Variants in GCC2 observed in about 807,000 individuals in gnomAD.
GCC2 encodes the protein GRIP and coiled-coil domain-containing protein 2.
GCC2 carries 120 observed loss-of-function variants against 210.6 expected under a neutral mutation model. The observed-to-expected ratio is 0.57, with a 90% CI of 0.49 to 0.66. GCC2 has a LOEUF of 0.66. Ranked by LOEUF, GCC2 falls within the 30% of genes least tolerant of loss-of-function variation. The pLI, the probability that GCC2 is intolerant of heterozygous loss-of-function variation, is 0.00. For synonymous variants in GCC2, 703 were observed against 652.7 expected (o/e 1.08, Z -1.17); for missense variants, 1,868 against 1,871.9 (o/e 1.00, Z 0.04).
At chr2:108,449,740 A>G in intron 2 of GCC2, 51 bp downstream of exon 2, 6 of 1,479,224 alleles carry the variant, frequency 4.1e-6, no homozygotes, top group Non-Finnish European at 5.6e-6. Flanking sequence ...AAGGGTGATG[A>G]ATTGGAAAAC....
chr2:108,484,149 G>T lies in GCC2; in HGVS notation c.3451G>T (p.Asp1151Tyr), dbSNP rs1325419433. 1 of 1,566,774 alleles carries T rather than the reference G, an allele frequency of 6.4e-7. No individual in the cohort carries two copies. Among genetic ancestry groups the T allele is most frequent in the South Asian group, 1.2e-5 (1 of 82,722 alleles). Residue 1151 changes from aspartate (D) to tyrosine (Y), a missense_variant and splice_region_variant, in exon 13 of 23, where the codon GAT (aspartate) becomes TAT (tyrosine). This residue lies in a region of GCC2 where 1,847 missense variants were observed against 1,765.2 expected (regional missense o/e 1.05). Coordinates refer to ENST00000309863, the MANE Select transcript of GCC2 (RefSeq NM_181453.4). ...TMQELELVKKDAQQTTLMNME... is the reference protein window; with the variant it reads ...TMQELELVKKYAQQTTLMNME... ...AATCTTTTACTTATAAAATGTGCAG[G>T]ATGCCCAACAAACCACATTGATGAA... is the stretch of plus-strand genomic sequence containing the variant.
chr2:108,476,529 A>G (rs1043390934), intron 9 of GCC2, among the ~76,000 whole-genome samples: 5 of 152,222 alleles, frequency 3.3e-5, no homozygotes, highest in African/African-American at 4.8e-5. Context: ...TTTGGAGGCA[A>G]TATGCTTATT....
chr2:108,457,608 A>G (rs1022162235), intron 4 of GCC2, among the ~76,000 whole-genome samples: 3 of 152,170 alleles, frequency 2.0e-5, no homozygotes, highest in Non-Finnish European at 4.4e-5. Flanking sequence ...TTTTGTGAGC[A>G]TGAAATGTCT....
rs546603680 is a variant in GCC2, at chr2:108,456,008, G to A, written c.216+3542G>A. Reference sequence around the variant, plus strand: ...CCAACTGTTTTCTTTTTTTTGAGACGGAGTCTTGCTCTGTCGCCCAGGCTG... The same window carrying A: ...CCAACTGTTTTCTTTTTTTTGAGACAGAGTCTTGCTCTGTCGCCCAGGCTG... On this transcript the variant is annotated intron_variant, in intron 4 of 22. Transcript: ENST00000309863. Among the ~76,000 whole-genome samples, 15 of 151,314 alleles carry A rather than the reference G, an allele frequency of 9.9e-5. No homozygotes were observed. In the South Asian group the frequency reaches 1.7e-3, roughly 17 times the overall value.
chr2:108,463,372 G>A (rs1330837453), intron 4 of GCC2, among the ~76,000 whole-genome samples: 2 of 151,926 alleles, frequency 1.3e-5, no homozygotes, highest in African/African-American at 4.8e-5. Context: ...ACTTTTTCCT[G>A]AAGATGTATC....
intron 21 of GCC2, among the ~76,000 whole-genome samples, chr2:108,497,492 AGAAACT>A (rs1489069632): frequency 1.3e-5 from 2 of 152,264 alleles, no homozygotes; most frequent in Non-Finnish European, 2.9e-5. Flanking sequence ...TAATAGATTT[AGAAACT>A]AGAGAGATGT....
At chr2:108,487,991 C>T (rs1034590608) in intron 17 of GCC2, among the ~76,000 whole-genome samples, 171 bp downstream of exon 17, 1 of 148,850 alleles carries the variant, frequency 6.7e-6, no homozygotes, top group Non-Finnish European at 1.5e-5. Flanking sequence ...ACTGCCACTT[C>T]GCTTCCCGGG....
chr2:108,486,760 T>A, intron 16 of GCC2, 112 bp downstream of exon 16: 1 of 910,996 alleles, frequency 1.1e-6, no homozygotes, highest in Non-Finnish European at 1.6e-6. Flanking sequence ...TTAAGAGCAC[T>A]TACTAGATTA....
chr2:108,480,294 CTT>C (rs1307413646), intron 9 of GCC2, among the ~76,000 whole-genome samples: 7 of 152,178 alleles, frequency 4.6e-5, no homozygotes, highest in Non-Finnish European at 1.0e-4. Flanking sequence ...AAAAGGAACA[CTT>C]ACACTTTTGG....
chr2:108,451,786 TC>T (rs1679957560), intron 3 of GCC2, among the ~76,000 whole-genome samples: 1 of 151,918 alleles, frequency 6.6e-6, no homozygotes, highest in Non-Finnish European at 1.5e-5. Flanking sequence ...AGGCCTGAGA[TC>T]TAGGCATTTG....
intron 4 of GCC2, among the ~76,000 whole-genome samples, chr2:108,454,056 T>G (rs1392925911): frequency 2.6e-5 from 4 of 152,166 alleles, no homozygotes; most frequent in Non-Finnish European, 5.9e-5. Context: ...AGTGGCACAA[T>G]CTCGGCTCAC....
rs1558754902 is a variant in GCC2, at chr2:108,489,819, C to T, written c.4053-19C>T. On this transcript the variant is annotated intron_variant, in intron 17 of 22. Transcript: ENST00000309863. Reference sequence around the variant, plus strand: ...TCACCTTTTTCAAAAAATTTTAAAACTGTGTATTTCTGTTTTAGGGAACAT... The same window carrying T: ...TCACCTTTTTCAAAAAATTTTAAAATTGTGTATTTCTGTTTTAGGGAACAT... 6 of 1,551,776 alleles carry T rather than the reference C, an allele frequency of 3.9e-6. No individual in the cohort carries two copies. Among genetic ancestry groups the T allele is most frequent in the East Asian group, 2.3e-5 (1 of 43,164 alleles).
chr2:108,493,370 G>T (rs1281300690), intron 19 of GCC2: 1 of 939,102 alleles, frequency 1.1e-6, no homozygotes, highest in African/African-American at 1.8e-5. Flanking sequence ...TTACAGGCAT[G>T]AGCCACTGCG....
rs59001726 is a variant in GCC2, at chr2:108,503,003, A to C, written c.4984+3249A>C. Among the ~76,000 whole-genome samples, 687 of 152,242 alleles carry C rather than the reference A, an allele frequency of 4.5e-3. 5 individuals carry two copies. The highest frequency in any genetic ancestry group is 0.016 in the African/African-American group (650 of 41,520). On this transcript the variant is annotated intron_variant, in intron 22 of 22. Transcript: ENST00000309863. ...GAATTCAGCATGGGAGAAACAAAAA[A>C]CAATAGTGGGAAAAGACATCAAACA... is the stretch of plus-strand genomic sequence containing the variant.
intron 22 of GCC2, among the ~76,000 whole-genome samples, chr2:108,506,727 T>G (rs900259323): frequency 6.6e-6 from 1 of 152,230 alleles, no homozygotes; most frequent in Non-Finnish European, 1.5e-5. Context: ...AAGAATTTTT[T>G]TTTAAATCCT....
At chr2:108,468,380 T>G (rs1427406801) in intron 4 of GCC2, among the ~76,000 whole-genome samples, 2 of 152,242 alleles carry the variant, frequency 1.3e-5, no homozygotes, top group South Asian at 2.1e-4. Flanking sequence ...TAGATATGCT[T>G]CCTTTTACAC....
intron 7 of GCC2, among the ~76,000 whole-genome samples, chr2:108,474,413 A>G (rs1016862870): frequency 5.9e-5 from 9 of 152,346 alleles, no homozygotes; most frequent in African/African-American, 1.9e-4. Flanking sequence ...TGTATCAAAT[A>G]AGATGAGTAC....
chr2:108,457,724 T>C (rs2104415966), intron 4 of GCC2, among the ~76,000 whole-genome samples: 1 of 152,320 alleles, frequency 6.6e-6, no homozygotes, highest in African/African-American at 2.4e-5. Context: ...CTGTAAAAGG[T>C]GTTGCCTTCT....
chr2:108,477,621 T>C (rs1370435643), intron 9 of GCC2, among the ~76,000 whole-genome samples: 1 of 152,232 alleles, frequency 6.6e-6, no homozygotes, highest in East Asian at 1.9e-4. Flanking sequence ...AGGTTTTTAT[T>C]TCACTCCACA....
Sources: gnomAD v4.1 joint callset for allele counts (sites outside exome capture counted in the v4.1 genomes callset) on GRCh38, gnomAD v4.1.1 for gene constraint, gnomAD v4.1.1 regional missense constraint, MANE v1.5 for transcripts, NCBI Gene and HGNC (gene_info 2026-07-23, HGNC 2026-07-21) for gene names.